The following BICRA variants were observed in gnomAD, a reference collection of about 807,000 sequenced individuals.
The protein encoded by BICRA is BRD4-interacting chromatin-remodeling complex-associated protein.
In BICRA, 31 loss-of-function variants were observed where a neutral mutation model predicts 96.9. The ratio of observed to expected loss-of-function variants is 0.32; its 90% CI spans 0.24 to 0.43. The LOEUF is 0.43. BICRA is among the 20% of genes least tolerant of loss of function. The pLI is 1.00. For missense variants in BICRA, 2,283 were observed against 2,190.3 expected, an observed-to-expected ratio of 1.04 and a Z score of -0.84; for synonymous variants, 1,350 against 1,071.8, an observed-to-expected ratio of 1.26 and a Z score of -5.07.
chr19:47,682,798 C>A (rs10417690), intron 7 of BICRA, among the ~76,000 whole-genome samples: 120,036 of 151,796 alleles, frequency 0.79, 47,908 homozygotes, highest in East Asian at 0.96. Flanking sequence ...CCACCTCCCG[C>A]GTAGCTGGAG....
At chr19:47,665,681 C>T (rs1295631699) in intron 1 of BICRA, among the ~76,000 whole-genome samples, 1 of 152,110 alleles carries the variant, frequency 6.6e-6, no homozygotes, top group Non-Finnish European at 1.5e-5. Context: ...TGAAAGGCTT[C>T]CCCTGCCTTC....
At chr19:47,644,247 G>T (rs977775995) in intron 1 of BICRA, among the ~76,000 whole-genome samples, 2 of 151,360 alleles carry the variant, frequency 1.3e-5, no homozygotes, top group Non-Finnish European at 2.9e-5. Context: ...CAAACTCTTA[G>T]CCCTTAGCCT....
intron 6 of BICRA, 139 bp from the exon 7 acceptor site, chr19:47,681,837 C>T (rs1270411280): frequency 8.2e-5 from 54 of 654,652 alleles, no homozygotes; most frequent in Non-Finnish European, 5.9e-5. Flanking sequence ...GCCTCTGTGC[C>T]TGGCACCCTG....
At chr19:47,630,355 G>T (rs1972204783) in intron 1 of BICRA, among the ~76,000 whole-genome samples, 3 of 150,652 alleles carry the variant, frequency 2.0e-5, no homozygotes, top group Admixed American at 6.6e-5. Context: ...TTTTTTTTTA[G>T]TAGAGACGGG....
At position 47,702,690 on chromosome 19, in the gene BICRA, C is replaced by G. The variant is rs920912211; in HGVS notation, c.*275C>G. ...GTCAGTTCCTGTTTCTTCCCATTTC[C>G]TGGCACACTCTGCCCCTCTGTCCGG... is the stretch of plus-strand genomic sequence containing the variant. On this transcript the variant is annotated 3_prime_UTR_variant, in exon 15 of 15. Transcript: ENST00000594866. The G allele has an allele frequency of 6.2e-5, 30 of 480,466 alleles. No individual in the cohort carries two copies. Among genetic ancestry groups the G allele is most frequent in the Non-Finnish European group, 1.1e-4 (30 of 275,470 alleles). 29.8% of individuals were successfully genotyped at this position (480,466 alleles called of 1,614,324 possible). A position where few individuals can be genotyped will look rare whatever the true frequency, so the allele number is the denominator to read the frequency against.
chr19:47,660,458 T>C (rs1212733583), intron 1 of BICRA, among the ~76,000 whole-genome samples: 1 of 152,172 alleles, frequency 6.6e-6, no homozygotes, highest in Non-Finnish European at 1.5e-5. Flanking sequence ...TTCTGGGATG[T>C]TTACATATTT....
chr19:47,693,456 C>T (rs1437098039), intron 7 of BICRA, among the ~76,000 whole-genome samples: 2 of 152,206 alleles, frequency 1.3e-5, no homozygotes, highest in Non-Finnish European at 2.9e-5. Context: ...GCCCAGGACA[C>T]TTAGAAGGGG....
chr19:47,679,896 C>T lies in BICRA; in HGVS notation c.726C>T (p.Val242=), dbSNP rs915057392. The T allele has an allele frequency of 6.6e-7, 1 of 1,521,900 alleles. No individual in the cohort carries two copies. The highest frequency in any genetic ancestry group is 1.4e-5 in the African/African-American group (1 of 71,378). 94.3% of individuals were successfully genotyped at this position (1,521,900 alleles called of 1,614,324 possible). A position where few individuals can be genotyped will look rare whatever the true frequency, so the allele number is the denominator to read the frequency against. Residue 242 remains valine (V), a synonymous_variant, in exon 6 of 15, where the codon GTC becomes GTT. Coordinates refer to ENST00000594866, the MANE Select transcript of BICRA (RefSeq NM_001394372.1). ...LAPIQVVGQP[V]MALNTPTSQL... ...CCATCCAGGTGGTGGGCCAGCCCGT[C>T]ATGGCGCTCAACACGCCCACCTCCC...
chr19:47,680,771 C>G lies in BICRA; in HGVS notation c.1601C>G (p.Ser534Cys), dbSNP rs1159390100. ...LSLGPVLAPHSGAHSAHILSA... is the reference protein window; with the variant it reads ...LSLGPVLAPHCGAHSAHILSA... ...CTGGGCCCCGTGTTGGCCCCCCACT[C>G]CGGGGCCCACAGCGCGCACATCCTC... The change falls in exon 6 of 15, where the codon TCC (serine) becomes TGC (cysteine). Residue 534 changes from serine to cysteine, a missense_variant. Transcript: ENST00000594866. 6.2e-7 allele frequency: 1 copy of G among 1,610,172 alleles called. No homozygotes were observed. The highest frequency in any genetic ancestry group is 8.5e-7 in the Non-Finnish European group (1 of 1,178,876).
intron 1 of BICRA, among the ~76,000 whole-genome samples, chr19:47,657,470 C>T (rs2123556774): frequency 6.6e-6 from 1 of 151,076 alleles, no homozygotes; most frequent in South Asian, 2.1e-4. Flanking sequence ...GATTTCGGCT[C>T]ACTGCAAGCT....
At chr19:47,691,891 G>T (rs1973246513) in intron 7 of BICRA, among the ~76,000 whole-genome samples, 1 of 152,114 alleles carries the variant, frequency 6.6e-6, no homozygotes, top group Admixed American at 6.6e-5. Context: ...TAATATTTCA[G>T]CCTTGGAGAA....
At position 47,682,024 on chromosome 19, in the gene BICRA, C is replaced by T; in HGVS notation, c.2155C>T (p.Pro719Ser). The T allele has an allele frequency of 1.9e-6, 3 of 1,570,208 alleles. No homozygotes were observed. The highest frequency in any genetic ancestry group is 1.8e-4 in the Middle Eastern group (1 of 5,686). The change falls in exon 7 of 15, where the codon CCT (proline) becomes TCT (serine). Residue 719 changes from proline (P) to serine (S), a missense_variant. By Grantham distance (74) the Pro-to-Ser change is moderately conservative. Coordinates refer to ENST00000594866, the MANE Select transcript of BICRA (RefSeq NM_001394372.1). The part of the protein sequence containing the change: ...LSAEGPHLSV[P>S]ASVIVSAPPP... ...CGCAGAGGGCCCCCACCTCTCCGTG[C>T]CTGCCTCGGTCATAGTCAGCGCCCC...
In BICRA at chr19:47,657,205, CTT is replaced by C. The variant is rs1350922401; in HGVS notation, c.-107-13235_-107-13234del. Among the ~76,000 whole-genome samples the C allele has an allele frequency of 1.7e-4, 26 of 152,138 alleles. No homozygotes were observed. The East Asian group carries it at 5.0e-3, about 29-fold the overall frequency. On this transcript the variant is annotated intron_variant, in intron 1 of 14. Coordinates refer to ENST00000594866, the MANE Select transcript of BICRA (RefSeq NM_001394372.1). ...CAAATGGACTCACACAGTGTGTAGA[CTT>C]TTGTGCCAGGCTTCCTTTGCTCAGC...
intron 1 of BICRA, among the ~76,000 whole-genome samples, chr19:47,637,184 A>G (rs1373210035): frequency 1.3e-5 from 2 of 151,918 alleles, no homozygotes; most frequent in East Asian, 1.9e-4. Context: ...CAGTGGTGCA[A>G]TCTCGGCTCA....
chr19:47,664,978 C>T (rs1972755577), intron 1 of BICRA, among the ~76,000 whole-genome samples: 1 of 152,174 alleles, frequency 6.6e-6, no homozygotes, highest in African/African-American at 2.4e-5. Flanking sequence ...CTCCAGGGTG[C>T]TGGTGACAAT....
intron 1 of BICRA, among the ~76,000 whole-genome samples, chr19:47,610,608 A>ACCCCC (rs35080234): frequency 6.1e-4 from 82 of 134,990 alleles, no homozygotes; most frequent in Non-Finnish European, 9.6e-4. Flanking sequence ...CCCTTTTGTC[A>ACCCCC]CCCCCCCCCC....
chr19:47,649,460 C>CT (rs1972511170), intron 1 of BICRA, among the ~76,000 whole-genome samples: 1 of 152,186 alleles, frequency 6.6e-6, no homozygotes, highest in South Asian at 2.1e-4. Context: ...GTTACTGTCT[C>CT]TGCCTCGAAG....
chr19:47,659,856 C>T (rs1437732578), intron 1 of BICRA, among the ~76,000 whole-genome samples: 1 of 152,038 alleles, frequency 6.6e-6, no homozygotes, highest in African/African-American at 2.4e-5. Context: ...CTCAAGCAAT[C>T]CTCACACCTC....
intron 7 of BICRA, among the ~76,000 whole-genome samples, chr19:47,685,627 A>G (rs1463441828): frequency 6.6e-6 from 1 of 152,098 alleles, no homozygotes; most frequent in Non-Finnish European, 1.5e-5. Context: ...GCAGTTCCCA[A>G]TCTGGGTGAT....
Sources: gnomAD v4.1 joint callset for allele counts (sites outside exome capture counted in the v4.1 genomes callset) on GRCh38, gnomAD v4.1.1 for gene constraint, MANE v1.5 for transcripts, NCBI Gene and HGNC (gene_info 2026-07-23, HGNC 2026-07-21) for gene names.